The following RNF14 variants were observed in gnomAD, a reference collection of about 807,000 sequenced individuals.
The protein encoded by RNF14 is E3 ubiquitin-protein ligase RNF14.
Under a neutral mutation model 52.6 loss-of-function variants are expected in RNF14, and 26 were observed. The ratio of observed to expected loss-of-function variants is 0.49; its 90% CI spans 0.36 to 0.69. The LOEUF (loss-of-function observed/expected upper bound fraction) is 0.69, where lower values mean the gene tolerates loss of function less well. Ranked by LOEUF, RNF14 falls within the 30% of genes least tolerant of loss-of-function variation. RNF14 has a pLI of 0.00. For missense variants in RNF14, 404 were observed against 560.4 expected (o/e 0.72, Z 2.82); for synonymous variants, 194 against 202.0 (o/e 0.96, Z 0.34).
At chr5:141,975,950 A>G (rs1017041887) in intron 4 of RNF14, among the ~76,000 whole-genome samples, 11 of 151,872 alleles carry the variant, frequency 7.2e-5, no homozygotes, top group African/African-American at 2.4e-4. Context: ...AGAAAAAGAC[A>G]AAAGATGTCA....
upstream of RNF14, chr5:141,955,302 G>A (rs1302321939): frequency 6.2e-7 from 1 of 1,614,108 alleles, no homozygotes; most frequent in Non-Finnish European, 8.5e-7. The surrounding 1 kb of genome is among the most constrained non-coding windows in gnomAD (Gnocchi z 5.5). Flanking sequence ...TGGGATGGTT[G>A]AAAAGGAGGT....
chr5:141,985,056 C>T, intron 8 of RNF14, 123 bp downstream of exon 8: 1 of 882,030 alleles, frequency 1.1e-6, no homozygotes, highest in Non-Finnish European at 1.7e-6. Context: ...CATGTTTTCC[C>T]CTATAAAGGA....
intron 1 of RNF14, among the ~76,000 whole-genome samples, chr5:141,970,425 G>T (rs182890524): frequency 6.6e-6 from 1 of 152,254 alleles, no homozygotes; most frequent in East Asian, 1.9e-4. Context: ...TTTGTTATGG[G>T]GCATGGTGTC....
upstream of RNF14, among the ~76,000 whole-genome samples, chr5:141,968,023 T>A (rs1753414222): frequency 1.3e-5 from 2 of 152,238 alleles, no homozygotes; most frequent in African/African-American, 4.8e-5. Context: ...TGCCTTAGTT[T>A]CTGGCAACCA....
intron 1 of RNF14, among the ~76,000 whole-genome samples, chr5:141,961,278 A>G (rs1753273731): frequency 6.6e-6 from 1 of 152,172 alleles, no homozygotes; most frequent in African/African-American, 2.4e-5. Flanking sequence ...GTCGCAAGAA[A>G]GTTTGAATTT....
chr5:141,974,731 G>T, intron 3 of RNF14, 73 bp from the exon 4 acceptor site: 2 of 1,421,844 alleles, frequency 1.4e-6, no homozygotes, highest in South Asian at 2.4e-5. Context: ...AGTCTTTCTT[G>T]AGCGCTGCTC....
At chr5:141,955,083 C>T, upstream of RNF14, 1 of 1,614,230 alleles carries the variant, frequency 6.2e-7, no homozygotes, top group Non-Finnish European at 8.5e-7. This position sits in a 1 kb window ranked among gnomAD's most constrained non-coding sequence, Gnocchi z 5.5. Flanking sequence ...CTGATTCTTT[C>T]TCAGGGGACA....
At chr5:141,973,867 G>C in intron 3 of RNF14, 125 bp downstream of exon 3, 1 of 780,778 alleles carries the variant, frequency 1.3e-6, no homozygotes. Context: ...GGTAATGCAT[G>C]TTTCTGTTTT....
intron 4 of RNF14, among the ~76,000 whole-genome samples, chr5:141,975,427 C>A (rs1436048471): frequency 6.6e-6 from 1 of 152,114 alleles, no homozygotes; most frequent in African/African-American, 2.4e-5. Flanking sequence ...TTGTAAAAAT[C>A]TGTATTAATA....
chr5:141,965,324 C>T (rs542130723), upstream of RNF14, among the ~76,000 whole-genome samples: 3 of 152,292 alleles, frequency 2.0e-5, no homozygotes, highest in East Asian at 3.9e-4. Context: ...TTGTGACTCA[C>T]TTCTACTCTC....
intron 3 of RNF14, among the ~76,000 whole-genome samples, chr5:141,974,525 T>G (rs1596677277): frequency 6.6e-6 from 1 of 152,364 alleles, no homozygotes; most frequent in Non-Finnish European, 1.5e-5. Flanking sequence ...TGTGTGTTCC[T>G]TGGTCATTAG....
At position 141,979,111 on chromosome 5, in the gene RNF14, A is replaced by T. The variant is rs546671277; in HGVS notation, c.834+281A>T. Among the ~76,000 whole-genome samples the T allele has an allele frequency of 8.2e-4, 125 of 152,340 alleles. 3 individuals are homozygous for T. In the South Asian group the frequency reaches 0.016, roughly 19 times the overall value. On this transcript the variant is annotated intron_variant, in intron 5 of 8. Coordinates refer to ENST00000394520, the MANE Select transcript of RNF14 (RefSeq NM_004290.5). ...TATATCTGCTAGTAGGATCCCATAA[A>T]CCTTGGGGAATCACTAGCTTATTCT...
At chr5:141,957,817 A>G, upstream of RNF14, 1 of 1,601,578 alleles carries the variant, frequency 6.2e-7, no homozygotes. The surrounding 1 kb of genome is among the most constrained non-coding windows in gnomAD (Gnocchi z 4.3). Context: ...ACCTGGCCCC[A>G]AAAGCCCCAG....
intron 2 of RNF14, among the ~76,000 whole-genome samples, chr5:141,972,236 A>AT (rs5871798): frequency 0.79 from 117,371 of 149,024 alleles, 46,569 homozygotes; most frequent in East Asian, 0.98. Flanking sequence ...ATTTGGAGAT[A>AT]TTTTTTTTTT....
At chr5:141,962,358 G>A (rs896576969), upstream of RNF14, among the ~76,000 whole-genome samples, 1 of 152,204 alleles carries the variant, frequency 6.6e-6, no homozygotes, top group Non-Finnish European at 1.5e-5. Context: ...AGATATCGAA[G>A]TCACTTGGAA....
upstream of RNF14, chr5:141,957,172 G>T: frequency 1.2e-6 from 2 of 1,614,164 alleles, no homozygotes; most frequent in South Asian, 2.2e-5. This position sits in a 1 kb window ranked among gnomAD's most constrained non-coding sequence, Gnocchi z 4.3. Flanking sequence ...GACCAAGCTG[G>T]TACCTGACTT....
At position 141,988,605 on chromosome 5, in the gene RNF14, C is replaced by T. The variant is rs1755431502; in HGVS notation, c.*815C>T. On this transcript the variant is annotated 3_prime_UTR_variant, in exon 9 of 9. Coordinates refer to ENST00000394520, the MANE Select transcript of RNF14 (RefSeq NM_004290.5). ...CCACATTCTCTCTCTTTACCTTTGCCCTACCTTCTGTTTGTAAGGATGATT... is the reference window on the plus strand; with the variant it reads ...CCACATTCTCTCTCTTTACCTTTGCTCTACCTTCTGTTTGTAAGGATGATT... 6.6e-6 allele frequency: 1 copy of T among 152,216 alleles called. No homozygotes were observed. Among genetic ancestry groups the T allele is most frequent in the Non-Finnish European group, 1.5e-5 (1 of 68,036 alleles). 9.4% of individuals were successfully genotyped at this position (152,216 alleles called of 1,614,324 possible).
chr5:141,951,951 A>C, the RNF14 span, among the ~76,000 whole-genome samples: 33 of 152,382 alleles, frequency 2.2e-4, no homozygotes, highest in African/African-American at 7.7e-4. Flanking sequence ...GATTATCTTA[A>C]AGAGTTATGT....
intron 5 of RNF14, among the ~76,000 whole-genome samples, chr5:141,979,756 T>C (rs1167925447): frequency 1.3e-5 from 2 of 151,942 alleles, no homozygotes; most frequent in Non-Finnish European, 2.9e-5. Flanking sequence ...TCAGGCATGA[T>C]GGCAAGTGCC....
Sources: allele counts gnomAD v4.1 joint callset (sites outside exome capture counted in the v4.1 genomes callset), GRCh38; gene constraint gnomAD v4.1.1; non-coding constraint Gnocchi (gnomAD v3.1); transcripts MANE v1.5; gene names NCBI Gene and HGNC (gene_info 2026-07-23, HGNC 2026-07-21).